The following BMPER variants were observed in gnomAD, a reference collection of about 807,000 sequenced individuals.
BMPER encodes BMP-binding endothelial regulator protein.
A neutral mutation model predicts 87.3 loss-of-function variants in BMPER; 45 were observed. That is an observed-to-expected ratio of 0.52 (90% CI 0.41 to 0.66). BMPER has a LOEUF of 0.66. Ranked by LOEUF, BMPER falls within the 30% of genes least tolerant of loss-of-function variation. The pLI, the probability that BMPER is intolerant of heterozygous loss-of-function variation, is 0.00. For synonymous variants in BMPER, 326 were observed against 316.2 expected (o/e 1.03, Z -0.33); for missense variants, 784 against 867.5 (o/e 0.90, Z 1.21).
chr7:34,129,213 C>A (rs1361116812), intron 13 of BMPER, among the ~76,000 whole-genome samples: 1 of 152,024 alleles, frequency 6.6e-6, no homozygotes, highest in East Asian at 1.9e-4. Flanking sequence ...GAAAACCTGC[C>A]ATATTAGGGA....
At chr7:33,907,525 A>G (rs137974826) in intron 2 of BMPER, among the ~76,000 whole-genome samples, 262 of 152,332 alleles carry the variant, frequency 1.7e-3, no homozygotes, top group African/African-American at 6.0e-3. Context: ...AGTTAACACT[A>G]TCAGTGGTTA....
chr7:34,027,884 A>C (rs1056945424), intron 6 of BMPER, among the ~76,000 whole-genome samples: 5 of 152,236 alleles, frequency 3.3e-5, no homozygotes, highest in Middle Eastern at 6.8e-3. Context: ...TTGATATTTT[A>C]TAATGAAGTA....
At chr7:33,940,876 ATATT>A (rs1363400367) in intron 3 of BMPER, among the ~76,000 whole-genome samples, 1 of 141,022 alleles carries the variant, frequency 7.1e-6, no homozygotes, top group African/African-American at 2.6e-5. Flanking sequence ...TATATTATAT[ATATT>A]TATATATAAT....
Position 34,078,124 on chromosome 7 carries a change from T to C in BMPER, c.1079-733T>C, listed in dbSNP as rs375886544. On this transcript the variant is annotated intron_variant, in intron 11 of 14. Transcript: ENST00000649409. The stretch of plus-strand genomic sequence containing the variant: ...AAACTTTACTTTGATCTCATAAGTA[T>C]TTGAATTAATGATATTTCAGAATGA... Among the ~76,000 whole-genome samples the C allele has an allele frequency of 2.0e-5, 3 of 152,320 alleles. No homozygotes were observed. In the East Asian group the frequency reaches 5.8e-4, roughly 29 times the overall value.
At position 33,937,193 on chromosome 7, in the gene BMPER, A is replaced by G. The variant is rs544057705; in HGVS notation, c.220-96A>G. On this transcript the variant is annotated intron_variant, in intron 2 of 14. Transcript: ENST00000649409. ...CGTCTTCTTGCCAAGTGAAGGCCAG[A>G]TAAGAGTGGGGCTCGGGAAACCTCT... 3.6e-5 allele frequency: 47 copies of G among 1,316,682 alleles called. No homozygotes were observed. In the South Asian group the frequency reaches 5.1e-4, roughly 14 times the overall value. The allele number at this position is 1,316,682 out of a possible 1,614,324, so 81.6% of individuals were successfully genotyped here.
At chr7:34,065,245 T>TCC (rs1562720571) in intron 11 of BMPER, among the ~76,000 whole-genome samples, 5 of 147,234 alleles carry the variant, frequency 3.4e-5, no homozygotes, top group Admixed American at 6.9e-5. Flanking sequence ...TCTCTCTCTC[T>TCC]CTCCCTCTCT....
intron 13 of BMPER, among the ~76,000 whole-genome samples, chr7:34,138,958 A>G (rs534737412): frequency 1.3e-5 from 2 of 152,232 alleles, no homozygotes; most frequent in Non-Finnish European, 2.9e-5. Flanking sequence ...AATGTAGACT[A>G]TGGGTGCATA....
At chr7:34,028,404 A>G (rs1434236386) in intron 6 of BMPER, among the ~76,000 whole-genome samples, 1 of 151,950 alleles carries the variant, frequency 6.6e-6, no homozygotes, top group Non-Finnish European at 1.5e-5. Context: ...TTTCTAATGT[A>G]GTAAACATCA....
chr7:33,915,910 A>AT (rs770628369), intron 2 of BMPER, among the ~76,000 whole-genome samples: 4 of 152,272 alleles, frequency 2.6e-5, no homozygotes, highest in Admixed American at 6.5e-5. Context: ...ATTGCCTAAC[A>AT]TTTCTATATC....
At chr7:34,032,946 G>A (rs1258169244) in intron 6 of BMPER, among the ~76,000 whole-genome samples, 1 of 152,128 alleles carries the variant, frequency 6.6e-6, no homozygotes, top group African/African-American at 2.4e-5. Context: ...CCTCAAGGCT[G>A]CAACAGGCCA....
At chr7:33,984,995 T>A (rs1213316410) in intron 6 of BMPER, among the ~76,000 whole-genome samples, 2 of 152,236 alleles carry the variant, frequency 1.3e-5, no homozygotes, top group East Asian at 3.9e-4. Context: ...AGCTTAACCA[T>A]GTTTGTCTGT....
At chr7:34,134,243 T>C (rs892888321) in intron 13 of BMPER, among the ~76,000 whole-genome samples, 2 of 152,104 alleles carry the variant, frequency 1.3e-5, no homozygotes, top group African/African-American at 2.4e-5. Flanking sequence ...AAGAGAAGAG[T>C]GATTGATTTT....
At chr7:34,119,556 T>C (rs1790210826) in intron 13 of BMPER, among the ~76,000 whole-genome samples, 1 of 152,230 alleles carries the variant, frequency 6.6e-6, no homozygotes, top group Admixed American at 6.5e-5. Context: ...ATGTGCTTTC[T>C]GATCTCTTGT....
chr7:33,915,233 T>C (rs1399303649), intron 2 of BMPER, among the ~76,000 whole-genome samples: 1 of 152,210 alleles, frequency 6.6e-6, no homozygotes, highest in Non-Finnish European at 1.5e-5. Flanking sequence ...TTGGAATGTT[T>C]CTATAGTTAA....
At chr7:34,038,977 C>T (rs903544257) in intron 6 of BMPER, among the ~76,000 whole-genome samples, 4 of 152,180 alleles carry the variant, frequency 2.6e-5, no homozygotes, top group Non-Finnish European at 4.4e-5. Context: ...ACAGTTCTAC[C>T]CTGTCAGCTC....
intron 6 of BMPER, among the ~76,000 whole-genome samples, chr7:34,002,067 T>C (rs1197051947): frequency 6.6e-6 from 1 of 151,742 alleles, no homozygotes; most frequent in African/African-American, 2.4e-5. Flanking sequence ...TTGAGACTTG[T>C]TTTATGGCCA....
intron 6 of BMPER, among the ~76,000 whole-genome samples, chr7:34,031,529 G>A (rs969274695): frequency 6.6e-6 from 1 of 151,830 alleles, no homozygotes; most frequent in African/African-American, 2.4e-5. Context: ...TGTGTTCTTG[G>A]TGCCAAGGAA....
chr7:34,154,563 T>G lies in BMPER; in HGVS notation c.*1290T>G, dbSNP rs1328390317. ...TTAGTTGTATCAACTTCAGATTCATTAAATTTTAACAGCTGTATTTAGTTA... is the reference window on the plus strand; with the variant it reads ...TTAGTTGTATCAACTTCAGATTCATGAAATTTTAACAGCTGTATTTAGTTA... On this transcript the variant is annotated 3_prime_UTR_variant, in exon 15 of 15. Coordinates refer to ENST00000649409, the MANE Select transcript of BMPER (RefSeq NM_001365308.1). The G allele has an allele frequency of 6.6e-6, 1 of 152,238 alleles. No individual in the cohort carries two copies. Among genetic ancestry groups the G allele is most frequent in the African/African-American group, 2.4e-5 (1 of 41,460 alleles). The allele number at this position is 152,238 out of a possible 1,614,324, so 9.4% of individuals were successfully genotyped here.
intron 13 of BMPER, among the ~76,000 whole-genome samples, chr7:34,091,850 T>C (rs1585824602): frequency 6.6e-6 from 1 of 152,346 alleles, no homozygotes; most frequent in South Asian, 2.1e-4. Context: ...TGGAAAATGC[T>C]CTTTAGTTTT....
Sources: gnomAD v4.1 joint callset for allele counts (sites outside exome capture counted in the v4.1 genomes callset) on GRCh38, gnomAD v4.1.1 for gene constraint, MANE v1.5 for transcripts, NCBI Gene and HGNC (gene_info 2026-07-23, HGNC 2026-07-21) for gene names.